Variants in AFG2A observed in about 807,000 individuals in gnomAD.
AFG2A encodes the protein ATPase family gene 2 protein homolog A.
the AFG2A span, chr4:122,934,327 C>G: frequency 6.2e-7 from 1 of 1,614,134 alleles, no homozygotes; most frequent in African/African-American, 1.3e-5. Context: ...TACCCAGATC[C>G]CAACATCAAG....
At chr4:123,099,601 T>C in the AFG2A span, among the ~76,000 whole-genome samples, 4 of 151,774 alleles carry the variant, frequency 2.6e-5, no homozygotes, top group Non-Finnish European at 4.4e-5. Flanking sequence ...TAAGTCGTAT[T>C]TGAGTAAAAA....
chr4:123,139,093 C>T, the AFG2A span, among the ~76,000 whole-genome samples: 1 of 151,948 alleles, frequency 6.6e-6, no homozygotes, highest in Non-Finnish European at 1.5e-5. Flanking sequence ...TATATTATAG[C>T]TTTTCTTGAA....
the AFG2A span, among the ~76,000 whole-genome samples, chr4:122,955,241 C>G: frequency 6.6e-6 from 1 of 152,160 alleles, no homozygotes; most frequent in East Asian, 1.9e-4. Context: ...ATTTGGCACC[C>G]TCCGTGCAGC....
chr4:123,115,377 G>A, the AFG2A span, among the ~76,000 whole-genome samples: 1 of 152,160 alleles, frequency 6.6e-6, no homozygotes, highest in African/African-American at 2.4e-5. Context: ...CTGAGGTGCA[G>A]GAACTTGGAG....
chr4:123,292,058 A>T, the AFG2A span, among the ~76,000 whole-genome samples: 12 of 152,052 alleles, frequency 7.9e-5, no homozygotes, highest in African/African-American at 2.9e-4. Context: ...GACTTTGTTC[A>T]TTTCTTTTAA....
the AFG2A span, among the ~76,000 whole-genome samples, chr4:123,266,993 T>G: frequency 1.3e-5 from 2 of 152,030 alleles, no homozygotes; most frequent in African/African-American, 4.8e-5. Context: ...CTGAGAAGTC[T>G]AATGCTGAGG....
chr4:123,318,955 C>T, the AFG2A span: 2 of 152,134 alleles, frequency 1.3e-5, no homozygotes, highest in African/African-American at 4.8e-5. Flanking sequence ...CAGATTCTTT[C>T]GGATGTCAGG....
chr4:122,971,276 A>G, the AFG2A span, among the ~76,000 whole-genome samples: 1 of 152,058 alleles, frequency 6.6e-6, no homozygotes, highest in African/African-American at 2.4e-5. Flanking sequence ...GCGTGGTGGT[A>G]TGCACCTGTA....
At chr4:123,169,095 TG>T in the AFG2A span, among the ~76,000 whole-genome samples, 8 of 152,228 alleles carry the variant, frequency 5.3e-5, no homozygotes, top group South Asian at 1.7e-3. Flanking sequence ...TCAATGCAGA[TG>T]GGGGGAAGGA....
chr4:123,214,582 A>T, the AFG2A span, among the ~76,000 whole-genome samples: 1 of 151,402 alleles, frequency 6.6e-6, no homozygotes, highest in East Asian at 1.9e-4. Flanking sequence ...CTAGAAATAT[A>T]AAAAAAATTA....
the AFG2A span, among the ~76,000 whole-genome samples, chr4:123,209,994 GT>G: frequency 6.6e-6 from 1 of 152,056 alleles, no homozygotes; most frequent in Non-Finnish European, 1.5e-5. Context: ...CTAGACTTTG[GT>G]TCCGTCAGCA....
chr4:122,990,362 A>G, the AFG2A span, among the ~76,000 whole-genome samples: 1 of 152,174 alleles, frequency 6.6e-6, no homozygotes, highest in Non-Finnish European at 1.5e-5. Flanking sequence ...CAAAAACTCT[A>G]CCATTAGAAT....
At chr4:123,007,608 G>GTA in the AFG2A span, among the ~76,000 whole-genome samples, 205 of 18,116 alleles carry the variant, frequency 0.011, 1 homozygote, top group East Asian at 0.039. Context: ...GTGTGTGTGT[G>GTA]TATATATATA....
At chr4:123,272,014 T>C in the AFG2A span, among the ~76,000 whole-genome samples, 1 of 152,306 alleles carries the variant, frequency 6.6e-6, no homozygotes, top group Admixed American at 6.5e-5. Flanking sequence ...AATAATACAC[T>C]GTAATACACA....
At chr4:123,159,005 T>G in the AFG2A span, among the ~76,000 whole-genome samples, 1 of 152,218 alleles carries the variant, frequency 6.6e-6, no homozygotes, top group Non-Finnish European at 1.5e-5. Context: ...TCTAACCTTC[T>G]TATTTTCAGA....
the AFG2A span, among the ~76,000 whole-genome samples, chr4:123,090,244 A>C: frequency 1.2e-3 from 178 of 152,334 alleles, no homozygotes; most frequent in Non-Finnish European, 2.1e-3. Flanking sequence ...ACCATGTAGA[A>C]TATAAACATT....
chr4:123,259,119 G>A, the AFG2A span, among the ~76,000 whole-genome samples: 3 of 152,046 alleles, frequency 2.0e-5, no homozygotes, highest in Non-Finnish European at 4.4e-5. Flanking sequence ...CGCCCACCTT[G>A]GCCTCCCAAA....
At chr4:122,927,014 G>C in the AFG2A span, among the ~76,000 whole-genome samples, 1 of 152,150 alleles carries the variant, frequency 6.6e-6, no homozygotes, top group Non-Finnish European at 1.5e-5. Context: ...GGAGCTTGGT[G>C]GGGGTGGGGT....
At chr4:123,290,109 G>A in the AFG2A span, among the ~76,000 whole-genome samples, 6 of 152,136 alleles carry the variant, frequency 3.9e-5, no homozygotes, top group African/African-American at 1.4e-4. Context: ...TCCCCTATTA[G>A]AGGCATAGTT....
Sources: gnomAD v4.1 joint callset for allele counts (sites outside exome capture counted in the v4.1 genomes callset) on GRCh38, gnomAD v4.1.1 for gene constraint, MANE v1.5 for transcripts, NCBI Gene and HGNC (gene_info 2026-07-23, HGNC 2026-07-21) for gene names.